The following RBFOX1 variants were observed in gnomAD, a reference collection of about 807,000 sequenced individuals.
RBFOX1 encodes RNA binding protein fox-1 homolog 1.
RBFOX1 carries 8 observed loss-of-function variants against 57.7 expected under a neutral mutation model. That is an observed-to-expected ratio of 0.14 (90% CI 0.08 to 0.25). RBFOX1 has a LOEUF of 0.25. Ranked by LOEUF, RBFOX1 falls within the 10% of genes least tolerant of loss-of-function variation. RBFOX1 has a pLI of 1.00. For synonymous variants in RBFOX1, 326 were observed against 222.4 expected, an observed-to-expected ratio of 1.47 and a Z score of -4.15; for missense variants, 611 against 548.5, an observed-to-expected ratio of 1.11 and a Z score of -1.14.
chr16:7,484,594 C>G (rs7193764), intron 4 of RBFOX1, among the ~76,000 whole-genome samples: 17,457 of 152,052 alleles, frequency 0.11, 3,342 homozygotes, highest in African/African-American at 0.4. Context: ...TCTTGAGTAG[C>G]TGCGACTACA....
intron 2 of RBFOX1, among the ~76,000 whole-genome samples, chr16:6,431,900 T>TTGCTTGCTTGCTTTCTTG (rs1567258053): frequency 8.4e-5 from 6 of 71,618 alleles, no homozygotes; most frequent in African/African-American, 2.7e-4. Context: ...TTGCTTGCTT[T>TTGCTTGCTTGCTTTCTTG]CTTTCTTTCT....
intron 3 of RBFOX1, among the ~76,000 whole-genome samples, chr16:6,921,639 A>AT (rs758392462): frequency 1.1e-5 from 1 of 94,988 alleles, no homozygotes; most frequent in African/African-American, 4.1e-5. Context: ...ATATATATAT[A>AT]TATATATTTT....
At chr16:7,387,879 C>G (rs1402490788) in intron 4 of RBFOX1, among the ~76,000 whole-genome samples, 2 of 152,166 alleles carry the variant, frequency 1.3e-5, no homozygotes, top group Non-Finnish European at 2.9e-5. Context: ...ATTTCTTGAG[C>G]TTTGTTTTTG....
At chr16:5,709,262 C>G (rs2051364572) in intron 3 of RBFOX1, among the ~76,000 whole-genome samples, 1 of 152,100 alleles carries the variant, frequency 6.6e-6, no homozygotes, top group African/African-American at 2.4e-5. Flanking sequence ...TGCCAGGCAG[C>G]AAAGACGATG....
chr16:6,609,844 G>T (rs2098015087), intron 2 of RBFOX1, among the ~76,000 whole-genome samples: 1 of 151,904 alleles, frequency 6.6e-6, no homozygotes, highest in South Asian at 2.1e-4. Flanking sequence ...CCCATCTTTA[G>T]TAAATATATG....
intron 1 of RBFOX1, among the ~76,000 whole-genome samples, chr16:5,421,804 A>G (rs781670570): frequency 1.7e-4 from 26 of 152,232 alleles, no homozygotes; most frequent in Non-Finnish European, 3.5e-4. Flanking sequence ...GAAACCCAAT[A>G]GAAAAATGGA....
At chr16:6,871,108 T>C (rs1038452986) in intron 3 of RBFOX1, among the ~76,000 whole-genome samples, 1 of 152,222 alleles carries the variant, frequency 6.6e-6, no homozygotes, top group African/African-American at 2.4e-5. Context: ...TTACATTCTT[T>C]AGGATGGAAT....
At chr16:6,624,483 A>C in intron 2 of RBFOX1, among the ~76,000 whole-genome samples, 1 of 152,228 alleles carries the variant, frequency 6.6e-6, no homozygotes, top group Non-Finnish European at 1.5e-5. Context: ...CTCACAAGGT[A>C]ATCTACCTAA....
At chr16:6,427,157 T>C (rs1210305920) in intron 2 of RBFOX1, among the ~76,000 whole-genome samples, 7 of 152,224 alleles carry the variant, frequency 4.6e-5, no homozygotes, top group African/African-American at 1.7e-4. Context: ...TTAAGTATAG[T>C]ATTTCCATAT....
chr16:6,713,951 T>C (rs1005561156), intron 3 of RBFOX1, among the ~76,000 whole-genome samples: 1 of 152,242 alleles, frequency 6.6e-6, no homozygotes, highest in Non-Finnish European at 1.5e-5. Flanking sequence ...GAGGCAATAA[T>C]TCACATGAAA....
chr16:6,027,932 T>C (rs1235720335), intron 1 of RBFOX1, among the ~76,000 whole-genome samples: 2 of 152,204 alleles, frequency 1.3e-5, no homozygotes, highest in Non-Finnish European at 2.9e-5. Context: ...AGCAGCCATA[T>C]GCATGGGCTC....
chr16:5,258,324 G>C (rs2062641880), intron 1 of RBFOX1, among the ~76,000 whole-genome samples: 1 of 152,058 alleles, frequency 6.6e-6, no homozygotes, highest in Non-Finnish European at 1.5e-5. Flanking sequence ...TTTTTCTGAA[G>C]TATTTAAAAA....
In RBFOX1 at chr16:6,324,485, A is replaced by G. The variant is rs113552669; in HGVS notation, c.-64+7428A>G. ...ACTTACAGTTATGGCAGAAGGCAGA[A>G]GGCAAAGGGGGAGCAGGCACATCTT... On this transcript the variant is annotated intron_variant, in intron 2 of 15. Transcript: ENST00000550418. 7.9e-3 allele frequency among the ~76,000 whole-genome samples: 1,202 copies of G among 152,298 alleles called. 10 individuals carry two copies. The highest frequency in any genetic ancestry group is 0.024 in the African/African-American group (999 of 41,556).
intron 11 of RBFOX1, among the ~76,000 whole-genome samples, chr16:7,650,314 T>TC (rs930427181): frequency 2.0e-5 from 1 of 49,906 alleles, no homozygotes; most frequent in Admixed American, 2.2e-4. Flanking sequence ...TGGAACTCTC[T>TC]TTTTTTTTTT....
chr16:7,360,633 C>T (rs1443049218), intron 4 of RBFOX1, among the ~76,000 whole-genome samples: 1 of 152,198 alleles, frequency 6.6e-6, no homozygotes, highest in South Asian at 2.1e-4. Context: ...AATTATCCCT[C>T]CCTATGATAC....
chr16:7,241,263 G>A (rs955838925), intron 4 of RBFOX1, among the ~76,000 whole-genome samples: 4 of 152,026 alleles, frequency 2.6e-5, no homozygotes, highest in African/African-American at 4.8e-5. Context: ...TGGCATCTCA[G>A]TCTCGGCACT....
At chr16:7,009,638 T>C (rs972567556) in intron 3 of RBFOX1, among the ~76,000 whole-genome samples, 65 of 152,190 alleles carry the variant, frequency 4.3e-4, no homozygotes, top group African/African-American at 1.4e-3. Flanking sequence ...ATTGGAATTC[T>C]ACCGTCTGGG....
chr16:6,740,065 C>T (rs900227931), intron 3 of RBFOX1, among the ~76,000 whole-genome samples: 8 of 152,084 alleles, frequency 5.3e-5, no homozygotes, highest in Non-Finnish European at 2.9e-5. Context: ...AAGACTTATG[C>T]ACCCCAACCT....
chr16:5,335,161 T>A (rs2064863513), intron 1 of RBFOX1, among the ~76,000 whole-genome samples: 1 of 151,940 alleles, frequency 6.6e-6, no homozygotes, highest in Admixed American at 6.6e-5. Flanking sequence ...CTGTTTTTCT[T>A]CCGAATTGCC....
Sources: gnomAD v4.1 joint callset for allele counts (sites outside exome capture counted in the v4.1 genomes callset) on GRCh38, gnomAD v4.1.1 for gene constraint, MANE v1.5 for transcripts, NCBI Gene and HGNC (gene_info 2026-07-23, HGNC 2026-07-21) for gene names.